The following RALGAPA2 variants were observed in gnomAD, a reference collection of about 807,000 sequenced individuals.
RALGAPA2 encodes Ral GTPase activating protein catalytic subunit alpha 2.
In RALGAPA2, 139 loss-of-function variants were observed where a neutral mutation model predicts 230.4. The ratio of observed to expected loss-of-function variants is 0.60; its 90% CI spans 0.53 to 0.69. The LOEUF is 0.69. Among genes scored for constraint, RALGAPA2 ranks in the 30% least tolerant of loss-of-function variants. RALGAPA2 has a pLI of 0.00. For missense variants in RALGAPA2, 2,163 were observed against 2,276.0 expected, an observed-to-expected ratio of 0.95 and a Z score of 1.01; for synonymous variants, 847 against 837.8, an observed-to-expected ratio of 1.01 and a Z score of -0.19.
chr20:20,648,338 T>C (rs2067284799), intron 4 of RALGAPA2, among the ~76,000 whole-genome samples: 1 of 151,700 alleles, frequency 6.6e-6, no homozygotes, highest in South Asian at 2.1e-4. Context: ...GCCTAGGGAC[T>C]GGGGGATGAG....
intron 14 of RALGAPA2, among the ~76,000 whole-genome samples, chr20:20,608,631 C>T (rs1381700063): frequency 6.6e-6 from 1 of 152,232 alleles, no homozygotes; most frequent in Non-Finnish European, 1.5e-5. Context: ...AGACAGTCCA[C>T]ATGATCAAAT....
At chr20:20,491,612 A>T (rs1039035985) in intron 36 of RALGAPA2, among the ~76,000 whole-genome samples, 7 of 152,120 alleles carry the variant, frequency 4.6e-5, no homozygotes, top group African/African-American at 1.7e-4. Flanking sequence ...CTGAAGAACA[A>T]CTCTGGCATT....
chr20:20,538,866 T>C, intron 24 of RALGAPA2, among the ~76,000 whole-genome samples: 1 of 152,286 alleles, frequency 6.6e-6, no homozygotes, highest in East Asian at 1.9e-4. Flanking sequence ...AGAAGTCCTC[T>C]TTGTGCCCCT....
chr20:20,621,751 T>C (rs1170634086), intron 10 of RALGAPA2, among the ~76,000 whole-genome samples: 1 of 152,208 alleles, frequency 6.6e-6, no homozygotes, highest in Non-Finnish European at 1.5e-5. Flanking sequence ...GAGAAATGCA[T>C]TTGCTTTTCG....
rs929589415 is a variant in RALGAPA2 at position 20,690,495 on chromosome 20, T to C, written c.107-9694A>G. ...TCTCCTGGGAAATCCAATTCCCACA[T>C]GATCTTCATCTCTGACTGTCACCCC... On this transcript the variant is annotated intron_variant, in intron 1 of 39. Transcript: ENST00000202677. Among the ~76,000 whole-genome samples, 3 of 152,138 alleles carry C rather than the reference T, an allele frequency of 2.0e-5. No homozygotes were observed. The South Asian group carries it at 6.2e-4, about 31-fold the overall frequency.
At chr20:20,394,208 T>C (rs1489133360) in intron 39 of RALGAPA2, among the ~76,000 whole-genome samples, 1 of 152,184 alleles carries the variant, frequency 6.6e-6, no homozygotes, top group Non-Finnish European at 1.5e-5. Context: ...CCTTATTGTT[T>C]CTAGGAGGAG....
At chr20:20,670,227 T>C (rs980341410) in intron 3 of RALGAPA2, among the ~76,000 whole-genome samples, 4 of 152,214 alleles carry the variant, frequency 2.6e-5, no homozygotes, top group Middle Eastern at 3.2e-3. Flanking sequence ...AATAAATGAA[T>C]TGTAAAGAAT....
chr20:20,499,383 A>G (rs1356452069), intron 35 of RALGAPA2, among the ~76,000 whole-genome samples: 1 of 152,144 alleles, frequency 6.6e-6, no homozygotes, highest in Admixed American at 6.5e-5. Context: ...TTTTATATAT[A>G]AATTTTATCT....
chr20:20,495,901 A>G (rs1246544027), intron 35 of RALGAPA2, among the ~76,000 whole-genome samples: 1 of 152,204 alleles, frequency 6.6e-6, no homozygotes, highest in Non-Finnish European at 1.5e-5. Flanking sequence ...CACACATACT[A>G]TCTCATTTAA....
chr20:20,577,646 T>C (rs191360993), intron 20 of RALGAPA2, among the ~76,000 whole-genome samples: 21 of 152,300 alleles, frequency 1.4e-4, no homozygotes, highest in Admixed American at 1.1e-3. Flanking sequence ...GTAAGTACAA[T>C]ATCAGGCATC....
intron 28 of RALGAPA2, among the ~76,000 whole-genome samples, chr20:20,525,499 T>A (rs2063173388): frequency 6.6e-6 from 1 of 152,228 alleles, no homozygotes. Flanking sequence ...GAAATCTGTC[T>A]AGGGCTGAGA....
chr20:20,433,698 T>C (rs914002457), intron 37 of RALGAPA2, among the ~76,000 whole-genome samples: 1 of 152,010 alleles, frequency 6.6e-6, no homozygotes, highest in Non-Finnish European at 1.5e-5. Context: ...ACAAAGACCT[T>C]TGACCAAAGG....
At chr20:20,492,595 C>G (rs866402955) in intron 36 of RALGAPA2, among the ~76,000 whole-genome samples, 5 of 152,280 alleles carry the variant, frequency 3.3e-5, no homozygotes, top group South Asian at 4.1e-4. Context: ...TCTCTGCTGA[C>G]TAGCTGTAAT....
At chr20:20,428,894 C>A (rs1255024586) in intron 37 of RALGAPA2, among the ~76,000 whole-genome samples, 1 of 151,980 alleles carries the variant, frequency 6.6e-6, no homozygotes, top group Non-Finnish European at 1.5e-5. Context: ...TCCTCTAAAT[C>A]TTTGATCCTA....
intron 23 of RALGAPA2, among the ~76,000 whole-genome samples, chr20:20,549,739 A>G (rs1233944982): frequency 6.6e-6 from 1 of 152,200 alleles, no homozygotes; most frequent in East Asian, 1.9e-4. Context: ...TGCCCCACTC[A>G]TTTCTAACTC....
chr20:20,590,563 C>G (rs1172211750), intron 17 of RALGAPA2, among the ~76,000 whole-genome samples: 1 of 152,152 alleles, frequency 6.6e-6, no homozygotes, highest in African/African-American at 2.4e-5. Flanking sequence ...ACACTTTAAG[C>G]ACACTCTTTC....
At chr20:20,658,138 T>C (rs1406661115) in intron 3 of RALGAPA2, among the ~76,000 whole-genome samples, 5 of 152,232 alleles carry the variant, frequency 3.3e-5, no homozygotes, top group Non-Finnish European at 7.3e-5. Context: ...ATGGATGGAC[T>C]TTAAAAACAC....
chr20:20,505,930 A>G (rs1408118302), intron 33 of RALGAPA2, among the ~76,000 whole-genome samples: 1 of 152,222 alleles, frequency 6.6e-6, no homozygotes, highest in African/African-American at 2.4e-5. Flanking sequence ...AATATCTTTT[A>G]AAGTATTTCA....
At position 20,520,914 on chromosome 20, in the gene RALGAPA2, C is replaced by A. The variant is rs2063018638; in HGVS notation, c.4084+3G>T. On this transcript the variant is annotated splice_donor_region_variant and intron_variant, in intron 31 of 39. Transcript: ENST00000202677. ...AAGATTTCATACCTGAAAGAATACT[C>A]ACCCTCTTCAACAGTCAGCAGGTTA... is the stretch of plus-strand genomic sequence containing the variant. 6.3e-7 allele frequency: 1 copy of A among 1,589,398 alleles called. No homozygotes were observed. Among genetic ancestry groups the A allele is most frequent in the South Asian group, 1.1e-5 (1 of 89,368 alleles).
Sources: allele counts gnomAD v4.1 joint callset (sites outside exome capture counted in the v4.1 genomes callset), GRCh38; gene constraint gnomAD v4.1.1; transcripts MANE v1.5; gene names NCBI Gene and HGNC (gene_info 2026-07-23, HGNC 2026-07-21).